The following CTNNA3 variants were observed in gnomAD, a reference collection of about 807,000 sequenced individuals.
CTNNA3 encodes catenin alpha 3.
CTNNA3 carries 76 observed loss-of-function variants against 95.7 expected under a neutral mutation model. The ratio of observed to expected loss-of-function variants is 0.79; its 90% confidence interval spans 0.66 to 0.96. The LOEUF is 0.96. Among genes scored for constraint, CTNNA3 ranks in the 40% least tolerant of loss-of-function variants. The pLI is 0.00. For synonymous variants in CTNNA3, 431 were observed against 374.4 expected, an observed-to-expected ratio of 1.15 and a Z score of -1.74; for missense variants, 1,191 against 1,089.8, an observed-to-expected ratio of 1.09 and a Z score of -1.31.
chr10:67,300,716 A>G (rs1840231419), intron 5 of CTNNA3, among the ~76,000 whole-genome samples: 1 of 152,190 alleles, frequency 6.6e-6, no homozygotes, highest in Non-Finnish European at 1.5e-5. Flanking sequence ...CACCAATGTC[A>G]ACAATTTAGC....
At chr10:66,763,223 C>T (rs1839673832) in intron 9 of CTNNA3, among the ~76,000 whole-genome samples, 1 of 151,804 alleles carries the variant, frequency 6.6e-6, no homozygotes, top group South Asian at 2.1e-4. Context: ...TGATGATTTT[C>T]TCTGTTGCTT....
chr10:66,222,669 GAGGGATGGAGGAAGGA>G (rs1415642561), intron 13 of CTNNA3, among the ~76,000 whole-genome samples: 2 of 150,424 alleles, frequency 1.3e-5, no homozygotes, highest in South Asian at 2.1e-4. Flanking sequence ...GTAAGGAAGG[GAGGGATGGAGGAAGGA>G]AGGGAGGGAG....
intron 14 of CTNNA3, among the ~76,000 whole-genome samples, chr10:66,086,482 CA>C (rs1245160937): frequency 6.6e-6 from 1 of 151,966 alleles, no homozygotes; most frequent in Admixed American, 6.6e-5. Context: ...CTTTCATGGG[CA>C]TGCGAATTTT....
intron 7 of CTNNA3, among the ~76,000 whole-genome samples, chr10:66,980,387 C>T (rs961956559): frequency 6.6e-6 from 1 of 152,140 alleles, no homozygotes; most frequent in Admixed American, 6.6e-5. Context: ...TATAGGGAAG[C>T]CATCTTCTGG....
intron 10 of CTNNA3, among the ~76,000 whole-genome samples, chr10:66,523,564 T>C (rs1841144752): frequency 6.6e-6 from 1 of 152,018 alleles, no homozygotes; most frequent in South Asian, 2.1e-4. Flanking sequence ...TTAAATCTTC[T>C]TCACGTAAAA....
intron 12 of CTNNA3, among the ~76,000 whole-genome samples, chr10:66,368,635 CG>C (rs931209470): frequency 7.5e-4 from 114 of 151,876 alleles, no homozygotes; most frequent in African/African-American, 2.4e-3. Context: ...TGTGGAGATA[CG>C]GCAAATACAT....
At chr10:67,262,237 C>A (rs532757741) in intron 5 of CTNNA3, among the ~76,000 whole-genome samples, 1 of 152,130 alleles carries the variant, frequency 6.6e-6, no homozygotes, top group African/African-American at 2.4e-5. Flanking sequence ...TTAGTTCCCA[C>A]AATAAATAAT....
rs540470543 is a variant in CTNNA3 at position 67,566,103 on chromosome 10, A to C, written c.293-26434T>G. 1.5e-3 allele frequency among the ~76,000 whole-genome samples: 167 copies of C among 113,984 alleles called. 2 individuals are homozygous for C. The highest frequency in any genetic ancestry group is 5.1e-3 in the African/African-American group (156 of 30,310). The allele number at this position is 113,984 out of a possible 152,430, so 74.8% of individuals were successfully genotyped here. A position where few individuals can be genotyped will look rare whatever the true frequency, so the allele number is the denominator to read the frequency against. On this transcript the variant is annotated intron_variant, in intron 3 of 17. Coordinates refer to ENST00000433211, the MANE Select transcript of CTNNA3 (RefSeq NM_013266.4). ...ACCTAGGCATTACCATTCAGGACAT[A>C]GGCATAGGCAAGGACTTCATGTCTA...
intron 3 of CTNNA3, among the ~76,000 whole-genome samples, chr10:67,564,639 TAAC>T (rs1228252519): frequency 7.6e-6 from 1 of 131,358 alleles, no homozygotes; most frequent in Non-Finnish European, 1.6e-5. Flanking sequence ...ACTTAAAGTA[TAAC>T]AACTGTATAT....
intron 7 of CTNNA3, among the ~76,000 whole-genome samples, chr10:66,778,021 T>C (rs1043191542): frequency 3.3e-5 from 5 of 152,162 alleles, no homozygotes; most frequent in African/African-American, 9.7e-5. Flanking sequence ...TATTCCCTAA[T>C]TTCTACCCAG....
At chr10:67,071,288 T>A (rs1357491800) in intron 7 of CTNNA3, among the ~76,000 whole-genome samples, 1 of 151,602 alleles carries the variant, frequency 6.6e-6, no homozygotes, top group Admixed American at 6.6e-5. Flanking sequence ...GCAGGCCTCA[T>A]ACTGATTAAT....
Position 66,330,351 on chromosome 10 carries a change from A to AGAAT in CTNNA3, c.1732+48797_1732+48800dup, listed in dbSNP as rs563279583. ...TTTTTGTCCTTGCCATAGTTTGCTA[A>AGAAT]GAATGATGGTTTCCAGCTTCATCCA... On this transcript the variant is annotated intron_variant, in intron 12 of 17. Coordinates refer to ENST00000433211, the MANE Select transcript of CTNNA3 (RefSeq NM_013266.4). Among the ~76,000 whole-genome samples the AGAAT allele has an allele frequency of 4.3e-4, 66 of 152,122 alleles. 1 individual carries two copies. In the South Asian group the frequency reaches 0.014, roughly 31 times the overall value.
At chr10:67,682,639 T>C (rs563997554) in intron 1 of CTNNA3, among the ~76,000 whole-genome samples, 1 of 152,288 alleles carries the variant, frequency 6.6e-6, no homozygotes, top group South Asian at 2.1e-4. Context: ...ATAAATTATG[T>C]GTACTCTTGA....
chr10:67,173,142 A>C (rs566265454), intron 7 of CTNNA3, among the ~76,000 whole-genome samples: 27 of 152,310 alleles, frequency 1.8e-4, no homozygotes, highest in Non-Finnish European at 3.2e-4. Flanking sequence ...CTATAAAAAC[A>C]ACCTTTTGAT....
chr10:66,403,993 C>G (rs530935417), intron 11 of CTNNA3, among the ~76,000 whole-genome samples: 1 of 152,278 alleles, frequency 6.6e-6, no homozygotes, highest in Admixed American at 6.5e-5. Flanking sequence ...AAATCGCTTA[C>G]TGATCAGGAG....
Position 67,322,927 on chromosome 10 carries a change from A to G in CTNNA3, c.580-103057T>C, listed in dbSNP as rs149338277. Among the ~76,000 whole-genome samples, 1,224 of 152,308 alleles carry G rather than the reference A, an allele frequency of 8.0e-3. 44 individuals carry two copies. The South Asian group carries it at 0.1, about 12-fold the overall frequency. ...CAATAGCCATTCTGACTGGTGTGAG[A>G]TGATACCTCATTGTGGTTTTGATTT... On this transcript the variant is annotated intron_variant, in intron 5 of 17. Transcript: ENST00000433211.
intron 7 of CTNNA3, among the ~76,000 whole-genome samples, chr10:67,090,712 G>A (rs769300630): frequency 6.6e-6 from 1 of 152,014 alleles, no homozygotes; most frequent in Non-Finnish European, 1.5e-5. Context: ...AAATAATGAA[G>A]AGAATATTAG....
intron 5 of CTNNA3, among the ~76,000 whole-genome samples, chr10:67,355,330 C>T (rs1842771346): frequency 6.6e-6 from 1 of 152,000 alleles, no homozygotes; most frequent in Non-Finnish European, 1.5e-5. Context: ...AACACTCACT[C>T]ATCTCCTAGC....
rs1039985265 is a variant in CTNNA3 at position 67,750,189 on chromosome 10, T to A, written c.-2+13245A>T. 7 of 1,258,070 alleles carry A rather than the reference T, an allele frequency of 5.6e-6. No homozygotes were observed. The African/African-American group carries it at 7.4e-5, about 13-fold the overall frequency. 77.9% of individuals were successfully genotyped at this position (1,258,070 alleles called of 1,614,324 possible). A position where few individuals can be genotyped will look rare whatever the true frequency, so the allele number is the denominator to read the frequency against. On this transcript the variant is annotated intron_variant, in intron 1 of 17. Transcript: ENST00000684154. ...AAGGTCCGTGGCTTCATTCTTGAAG[T>A]CAGTGAGACCAAGAACCCACTGGAA...
Sources: allele counts gnomAD v4.1 joint callset (sites outside exome capture counted in the v4.1 genomes callset), GRCh38; gene constraint gnomAD v4.1.1; transcripts MANE v1.5; gene names NCBI Gene and HGNC (gene_info 2026-07-23, HGNC 2026-07-21).